The following HNRNPM variants were observed in gnomAD, a reference collection of about 807,000 sequenced individuals.
The protein encoded by HNRNPM is heterogeneous nuclear ribonucleoprotein M.
Under a neutral mutation model 73.1 loss-of-function variants are expected in HNRNPM, and 11 were observed. The observed-to-expected ratio is 0.15, with a 90% confidence interval of 0.09 to 0.25. The LOEUF (loss-of-function observed/expected upper bound fraction) is 0.25, where lower values mean the gene tolerates loss of function less well. Among genes scored for constraint, HNRNPM ranks in the 10% least tolerant of loss-of-function variants. HNRNPM has a pLI of 1.00. For synonymous variants in HNRNPM, 407 were observed against 355.2 expected (o/e 1.15, Z -1.64); for missense variants, 789 against 1,067.9 (o/e 0.74, Z 3.64).
At position 8,463,477 on chromosome 19, in the gene HNRNPM, G is replaced by GTC. The variant is rs1969529523; in HGVS notation, c.337-16_337-15dup. 2 of 1,613,344 alleles carry GTC rather than the reference G, an allele frequency of 1.2e-6. No individual in the cohort carries two copies. The highest frequency in any genetic ancestry group is 3.3e-4 in the Middle Eastern group (2 of 6,060). ...TTCCCCTTCCTTGCTCTTCTGACTG[G>GTC]TCTCTGGCTTCCTCCAAAGGGATGT... On this transcript the variant is annotated intron_variant, in intron 3 of 15. Transcript: ENST00000325495.
At chr19:8,448,719 G>A (rs1429176612) in intron 1 of HNRNPM, among the ~76,000 whole-genome samples, 1 of 151,546 alleles carries the variant, frequency 6.6e-6, no homozygotes, top group Non-Finnish European at 1.5e-5. Context: ...TCCTGACGTC[G>A]TTATCCGCCC....
In HNRNPM at chr19:8,465,471, G is replaced by A; in HGVS notation, c.586G>A (p.Ala196Thr). The stretch of plus-strand genomic sequence containing the variant: ...CAACATCCCAAATGAGATTATCCAT[G>A]CATTACAGGCTGGAAGACTTGGAAG... ...NPNIPNEIIH[A>T]LQAGRLGSTV... The change falls in exon 6 of 16, where the codon GCA becomes ACA. Residue 196 changes from alanine (A) to threonine (T), a missense_variant. By Grantham distance (58) the Ala-to-Thr change is moderately conservative. Transcript: ENST00000325495. The A allele has an allele frequency of 1.9e-6, 3 of 1,613,356 alleles. No homozygotes were observed. The highest frequency in any genetic ancestry group is 2.5e-6 in the Non-Finnish European group (3 of 1,179,592).
At chr19:8,448,326 T>TC (rs1480186572) in intron 1 of HNRNPM, among the ~76,000 whole-genome samples, 3 of 152,070 alleles carry the variant, frequency 2.0e-5, no homozygotes, top group African/African-American at 7.2e-5. Context: ...AGAAGTCTGT[T>TC]CCAATTAAAG....
rs1568310307 is a variant in HNRNPM at position 8,489,090 on chromosome 19, G to A, written c.*236G>A. ...TCTTGTTGACATCGAATATGACTTT[G>A]ATAATAAATACCGGTTCCTGAAAAC... On this transcript the variant is annotated 3_prime_UTR_variant, in exon 16 of 16. Coordinates refer to ENST00000325495, the MANE Select transcript of HNRNPM (RefSeq NM_005968.5). 4.6e-6 allele frequency: 2 copies of A among 434,090 alleles called. No individual in the cohort carries two copies. The highest frequency in any genetic ancestry group is 8.4e-6 in the Non-Finnish European group (2 of 237,864). 26.9% of individuals were successfully genotyped at this position (434,090 alleles called of 1,614,324 possible).
chr19:8,450,023 C>G (rs1968494350), intron 1 of HNRNPM, among the ~76,000 whole-genome samples: 1 of 152,146 alleles, frequency 6.6e-6, no homozygotes, highest in African/African-American at 2.4e-5. Context: ...ACAGGTTGCG[C>G]TGGTTTTGCT....
chr19:8,445,144 G>T, intron 1 of HNRNPM, 33 bp downstream of exon 1: 2 of 1,358,898 alleles, frequency 1.5e-6, no homozygotes, highest in Non-Finnish European at 1.9e-6. Context: ...CCACGGGTAA[G>T]GGTTCCTCTC....
At chr19:8,446,165 C>G (rs778781278) in intron 1 of HNRNPM, among the ~76,000 whole-genome samples, 1 of 152,190 alleles carries the variant, frequency 6.6e-6, no homozygotes, top group Non-Finnish European at 1.5e-5. Flanking sequence ...ATAACGTAGA[C>G]TTTGCCATTT....
chr19:8,478,248 GGAATGAA>G (rs1215842009), intron 12 of HNRNPM, among the ~76,000 whole-genome samples: 1 of 152,146 alleles, frequency 6.6e-6, no homozygotes, highest in Non-Finnish European at 1.5e-5. Context: ...TGTTTTTTAG[GGAATGAA>G]GAATGAATAA....
intron 2 of HNRNPM, among the ~76,000 whole-genome samples, chr19:8,457,587 C>T (rs777177485): frequency 4.6e-5 from 7 of 151,992 alleles, no homozygotes; most frequent in East Asian, 1.9e-4. Flanking sequence ...AAATTATTAG[C>T]GGTATAGGAT....
At chr19:8,479,078 CTTTTTTTTTTTTTTTTT>C (rs74176651) in intron 12 of HNRNPM, among the ~76,000 whole-genome samples, 1 of 73,834 alleles carries the variant, frequency 1.4e-5, no homozygotes, top group East Asian at 4.3e-4. Flanking sequence ...TTCTTTCTTT[CTTTTTTTTTTTTTTTTT>C]TTTTTTTCAA....
At chr19:8,459,276 A>G (rs1424648861) in intron 2 of HNRNPM, among the ~76,000 whole-genome samples, 7 of 152,166 alleles carry the variant, frequency 4.6e-5, no homozygotes, top group African/African-American at 2.4e-5. Context: ...ACTTAGGTTG[A>G]GCCCCAGCAG....
intron 1 of HNRNPM, among the ~76,000 whole-genome samples, chr19:8,454,026 C>T (rs1968814875): frequency 6.6e-6 from 1 of 152,198 alleles, no homozygotes; most frequent in Non-Finnish European, 1.5e-5. Flanking sequence ...CCAAGTTTCC[C>T]AGCTTCAAAG....
At chr19:8,468,331 CTG>C (rs1399082168) in intron 8 of HNRNPM, among the ~76,000 whole-genome samples, 2 of 152,218 alleles carry the variant, frequency 1.3e-5, no homozygotes, top group Non-Finnish European at 2.9e-5. Flanking sequence ...TCTGCCGTAA[CTG>C]TGCCAAAGAT....
chr19:8,473,666 A>T lies in HNRNPM; in HGVS notation c.1000A>T (p.Met334Leu). Residue 334 changes from methionine to leucine, a missense_variant and splice_region_variant, in exon 11 of 16, where the codon ATG (methionine) becomes TTG (leucine). Physicochemically the swap from Met to Leu is conservative, Grantham distance 15 (BLOSUM62 2). This residue lies in a region of HNRNPM where 604 missense variants were observed against 744.0 expected (regional missense o/e 0.81). Coordinates refer to ENST00000325495, the MANE Select transcript of HNRNPM (RefSeq NM_005968.5). Reference protein sequence around the residue: ...IGMGNIGPAGMGMEGIGFGIN... With the variant: ...IGMGNIGPAGLGMEGIGFGIN... ...TGCATTGACTTTTTCTTTTTAAGGA[A>T]TGGGAATGGAAGGCATAGGATTTGG... 1 of 1,566,650 alleles carries T rather than the reference A, an allele frequency of 6.4e-7. No homozygotes were observed. The highest frequency in any genetic ancestry group is 8.8e-7 in the Non-Finnish European group (1 of 1,139,332).
intron 15 of HNRNPM, 131 bp downstream of exon 15, chr19:8,487,206 C>T (rs538939108): frequency 2.4e-5 from 19 of 777,212 alleles, no homozygotes; most frequent in Middle Eastern, 2.6e-4. Flanking sequence ...GTTCTGCCCA[C>T]GCCAATGCTC....
chr19:8,464,411 G>C (rs905896658), intron 5 of HNRNPM, among the ~76,000 whole-genome samples: 14 of 152,192 alleles, frequency 9.2e-5, no homozygotes, highest in Non-Finnish European at 2.9e-5. Flanking sequence ...GCTGAGGTGG[G>C]TGGATCAAGG....
intron 2 of HNRNPM, among the ~76,000 whole-genome samples, chr19:8,459,767 T>C (rs1398064395): frequency 6.6e-6 from 1 of 152,206 alleles, no homozygotes; most frequent in Non-Finnish European, 1.5e-5. Flanking sequence ...TGAGTTCTTT[T>C]TGGGTTGCTC....
rs1262533778 is a variant in HNRNPM, at chr19:8,462,588, GTC to G, written c.336+9_336+10del. ...CGCTGAAGGAAAGTCAAGGGTAAGT[GTC>G]TGAGAGAATTTCTTCTGTGGATTTA... On this transcript the variant is annotated splice_region_variant and intron_variant, in intron 3 of 15. Coordinates refer to ENST00000325495, the MANE Select transcript of HNRNPM (RefSeq NM_005968.5). The surrounding 1 kb of genome is among the most constrained non-coding windows in gnomAD (Gnocchi z 4.5). 38 of 1,608,650 alleles carry G rather than the reference GTC, an allele frequency of 2.4e-5. No homozygotes were observed. The highest frequency in any genetic ancestry group is 3.2e-5 in the Non-Finnish European group (38 of 1,174,964).
chr19:8,465,015 A>G (rs1292521706), intron 5 of HNRNPM, among the ~76,000 whole-genome samples: 1 of 152,220 alleles, frequency 6.6e-6, no homozygotes, highest in Non-Finnish European at 1.5e-5. Flanking sequence ...CTCTAATTTC[A>G]GTCTGGCGGT....
Sources: allele counts gnomAD v4.1 joint callset (sites outside exome capture counted in the v4.1 genomes callset), GRCh38; gene constraint gnomAD v4.1.1; regional missense constraint gnomAD v4.1.1; non-coding constraint Gnocchi (gnomAD v3.1); transcripts MANE v1.5; gene names NCBI Gene and HGNC (gene_info 2026-07-23, HGNC 2026-07-21).